The following MEI1 variants were observed in gnomAD, a reference collection of about 807,000 sequenced individuals.
The protein encoded by MEI1 is meiotic double-stranded break formation protein 1.
MEI1 carries 103 observed loss-of-function variants against 146.2 expected under a neutral mutation model. The observed-to-expected ratio is 0.70, with a 90% CI of 0.60 to 0.83. The LOEUF is 0.83. Among genes scored for constraint, MEI1 ranks in the 40% least tolerant of loss-of-function variants. The pLI, the probability that MEI1 is intolerant of heterozygous loss-of-function variation, is 0.00. For missense variants in MEI1, 1,529 were observed against 1,533.0 expected (o/e 1.00, Z 0.04); for synonymous variants, 652 against 628.2 (o/e 1.04, Z -0.57).
At chr22:41,738,810 T>TAGAATA in intron 11 of MEI1, among the ~76,000 whole-genome samples, 1 of 149,258 alleles carries the variant, frequency 6.7e-6, no homozygotes, top group African/African-American at 2.5e-5. Flanking sequence ...ATAAAATAAA[T>TAGAATA]AAATAAAATT....
chr22:41,731,398 G>C (rs545693306), intron 9 of MEI1, among the ~76,000 whole-genome samples: 9 of 150,982 alleles, frequency 6.0e-5, no homozygotes, highest in Admixed American at 4.0e-4. Flanking sequence ...ACCCAGGCTG[G>C]AGTGCAATGG....
chr22:41,723,600 A>G (rs553269201), intron 6 of MEI1, among the ~76,000 whole-genome samples: 2 of 152,136 alleles, frequency 1.3e-5, no homozygotes, highest in South Asian at 2.1e-4. Flanking sequence ...AGTTCCTGCT[A>G]TGTGTCAGGA....
chr22:41,794,539 G>A, intron 28 of MEI1, 62 bp downstream of exon 28: 3 of 1,368,084 alleles, frequency 2.2e-6, no homozygotes, highest in Non-Finnish European at 2.1e-6. Context: ...GTGCTGAAGA[G>A]GCCAGGGTCT....
chr22:41,721,942 A>G (rs985787011), intron 6 of MEI1: 5 of 150,444 alleles, frequency 3.3e-5, no homozygotes, highest in East Asian at 2.0e-4. Context: ...GATGGTGTCA[A>G]TCTCTTGACC....
intron 18 of MEI1, among the ~76,000 whole-genome samples, chr22:41,759,673 A>G (rs1462753288): frequency 6.6e-6 from 1 of 151,156 alleles, no homozygotes; most frequent in Non-Finnish European, 1.5e-5. Flanking sequence ...AAATAAAAAT[A>G]CAAAAATCAG....
At chr22:41,722,310 A>T (rs896832762) in intron 6 of MEI1, among the ~76,000 whole-genome samples, 19 of 151,672 alleles carry the variant, frequency 1.3e-4, no homozygotes, top group Non-Finnish European at 2.4e-4. Flanking sequence ...TAATTTACTT[A>T]TTTTTAAAGA....
chr22:41,763,399 A>AT, intron 19 of MEI1, 78 bp downstream of exon 19: 1 of 1,509,752 alleles, frequency 6.6e-7, no homozygotes, highest in South Asian at 1.2e-5. Context: ...CATGATGATG[A>AT]TAGTGTATAG....
At chr22:41,709,150 CTT>C in intron 3 of MEI1, 1 of 721,480 alleles carries the variant, frequency 1.4e-6, no homozygotes, top group Non-Finnish European at 2.5e-6. Flanking sequence ...TTTTATAAAA[CTT>C]GATAAAAAAT....
At position 41,699,545 on chromosome 22, in the gene MEI1, G is replaced by A. The variant is rs372393262; in HGVS notation, c.7G>A (p.Val3Met). MA[V>M]RQAATAGTPG... is the part of the protein sequence containing the mutation. Reference sequence around the variant, plus strand: ...GCTGAGGGCAAGCGAGGAGATGGCTGTGAGGCAGGCGGCGACGGCGGGCAC... The same window carrying A: ...GCTGAGGGCAAGCGAGGAGATGGCTATGAGGCAGGCGGCGACGGCGGGCAC... Residue 3 changes from valine to methionine, a missense_variant, in exon 1 of 31, where the codon GTG (valine) becomes ATG (methionine). Val to Met is a conservative substitution (Grantham distance 21, BLOSUM62 1). This residue lies in a region of MEI1 where 1,212 missense variants were observed against 1,178.9 expected (regional missense o/e 1.03). Coordinates refer to ENST00000401548, the MANE Select transcript of MEI1 (RefSeq NM_152513.4). The A allele has an allele frequency of 1.9e-6, 3 of 1,611,302 alleles. No individual in the cohort carries two copies. Among genetic ancestry groups the A allele is most frequent in the Non-Finnish European group, 2.5e-6 (3 of 1,178,752 alleles).
At chr22:41,789,086 G>A (rs2148216134) in intron 26 of MEI1, among the ~76,000 whole-genome samples, 1 of 152,290 alleles carries the variant, frequency 6.6e-6, no homozygotes, top group Non-Finnish European at 1.5e-5. Flanking sequence ...GCCAAGACGG[G>A]CGGATCACTT....
intron 6 of MEI1, among the ~76,000 whole-genome samples, chr22:41,723,703 G>A (rs2071071452): frequency 6.6e-6 from 1 of 152,190 alleles, no homozygotes; most frequent in Non-Finnish European, 1.5e-5. Flanking sequence ...GTCGGGCTAT[G>A]TTTATCTTGC....
intron 6 of MEI1, among the ~76,000 whole-genome samples, chr22:41,721,448 G>A (rs1158914062): frequency 6.7e-6 from 1 of 150,218 alleles, no homozygotes; most frequent in Non-Finnish European, 1.5e-5. Flanking sequence ...GTTTCACCGT[G>A]TTAGCCAGGA....
chr22:41,704,950 G>A (rs539063021), intron 2 of MEI1, among the ~76,000 whole-genome samples: 10 of 152,074 alleles, frequency 6.6e-5, no homozygotes, highest in South Asian at 2.1e-4. Context: ...TCCTGACCTC[G>A]TGATCCACCT....
intron 11 of MEI1, among the ~76,000 whole-genome samples, chr22:41,735,522 C>T (rs1052127175): frequency 2.6e-5 from 4 of 152,202 alleles, no homozygotes; most frequent in South Asian, 2.1e-4. Flanking sequence ...CGTGAGCCAC[C>T]GTGCCCAGCC....
At chr22:41,713,261 A>G (rs995876562) in intron 3 of MEI1, among the ~76,000 whole-genome samples, 8 of 152,138 alleles carry the variant, frequency 5.3e-5, no homozygotes, top group African/African-American at 1.9e-4. Flanking sequence ...GCTGAAGCCC[A>G]GGCATTTGAG....
chr22:41,728,035 C>T (rs902383230), intron 7 of MEI1, among the ~76,000 whole-genome samples: 1 of 152,138 alleles, frequency 6.6e-6, no homozygotes, highest in African/African-American at 2.4e-5. Context: ...CGGCATATAC[C>T]CAGACCCACA....
At chr22:41,753,763 G>A (rs1436472069) in intron 16 of MEI1, 186 bp from the exon 17 acceptor site, 4 of 529,422 alleles carry the variant, frequency 7.6e-6, no homozygotes, top group Non-Finnish European at 1.4e-5. Context: ...ACAGGCATAA[G>A]CCACTGTGCC....
At chr22:41,735,977 G>A (rs73161382) in intron 11 of MEI1, among the ~76,000 whole-genome samples, 2,468 of 152,220 alleles carry the variant, frequency 0.016, 49 homozygotes, top group Admixed American at 0.059. Context: ...AAAACAACAG[G>A]TATTTACCTT....
At position 41,765,715 on chromosome 22, in the gene MEI1, C is replaced by T. The variant is rs546584517; in HGVS notation, c.2268+2394C>T. 7.2e-4 allele frequency among the ~76,000 whole-genome samples: 109 copies of T among 151,880 alleles called. 1 individual carries two copies. The highest frequency in any genetic ancestry group is 2.6e-3 in the African/African-American group (106 of 41,440). On this transcript the variant is annotated intron_variant, in intron 19 of 30. Coordinates refer to ENST00000401548, the MANE Select transcript of MEI1 (RefSeq NM_152513.4). ...TTCTGAACCACTTGAAAATAATTTT[C>T]AGAGAGTCATTTTATTCATAAATAC...
Sources: gnomAD v4.1 joint callset for allele counts (sites outside exome capture counted in the v4.1 genomes callset) on GRCh38, gnomAD v4.1.1 for gene constraint, gnomAD v4.1.1 regional missense constraint, MANE v1.5 for transcripts, NCBI Gene and HGNC (gene_info 2026-07-23, HGNC 2026-07-21) for gene names.